Variants in GRM8 observed in about 807,000 individuals in gnomAD.
The protein encoded by GRM8 is metabotropic glutamate receptor 8.
In GRM8, 47 loss-of-function variants were observed where a neutral mutation model predicts 87.2. The observed-to-expected ratio is 0.54, with a 90% CI of 0.43 to 0.69. The LOEUF is 0.69. Among genes scored for constraint, GRM8 ranks in the 30% least tolerant of loss-of-function variants. GRM8 has a pLI of 0.00. For missense variants in GRM8, 1,019 were observed against 1,139.2 expected (o/e 0.89, Z 1.52); for synonymous variants, 396 against 404.5 (o/e 0.98, Z 0.25).
intron 6 of GRM8, among the ~76,000 whole-genome samples, chr7:126,809,742 G>C (rs1470560148): frequency 6.6e-6 from 1 of 152,146 alleles, no homozygotes; most frequent in African/African-American, 2.4e-5. Flanking sequence ...GCCCTTTTCA[G>C]AGTGTCTGTA....
chr7:126,584,386 G>A (rs985759817), intron 8 of GRM8, among the ~76,000 whole-genome samples: 2 of 151,946 alleles, frequency 1.3e-5, no homozygotes, highest in African/African-American at 4.8e-5. Context: ...CACCATGCCC[G>A]ACTAATTTTG....
intron 6 of GRM8, among the ~76,000 whole-genome samples, chr7:126,863,438 G>A (rs889116037): frequency 2.6e-5 from 4 of 152,054 alleles, no homozygotes; most frequent in Non-Finnish European, 4.4e-5. Flanking sequence ...GCTCACAAAC[G>A]CACAAGGTAC....
chr7:126,862,392 T>G (rs1429452844), intron 6 of GRM8, among the ~76,000 whole-genome samples: 2 of 152,018 alleles, frequency 1.3e-5, no homozygotes, highest in Non-Finnish European at 2.9e-5. Flanking sequence ...TTTTCTTTGC[T>G]TCTGTATTAC....
At chr7:126,453,972 T>C (rs1191243678) in intron 9 of GRM8, among the ~76,000 whole-genome samples, 1 of 151,714 alleles carries the variant, frequency 6.6e-6, no homozygotes, top group Non-Finnish European at 1.5e-5. Context: ...GCTTCCATGG[T>C]AACTTTTGGC....
At chr7:127,198,585 T>C (rs1587255228) in intron 2 of GRM8, among the ~76,000 whole-genome samples, 1 of 152,044 alleles carries the variant, frequency 6.6e-6, no homozygotes, top group Admixed American at 6.6e-5. Flanking sequence ...TTGTGGTGGG[T>C]TTTTGTTGTT....
chr7:127,247,129 T>C (rs192145747), intron 1 of GRM8, among the ~76,000 whole-genome samples: 1 of 152,322 alleles, frequency 6.6e-6, no homozygotes, highest in East Asian at 1.9e-4. Context: ...AGGGACAATC[T>C]GGGGGCATTT....
At chr7:126,738,239 A>G (rs1374679741) in intron 7 of GRM8, among the ~76,000 whole-genome samples, 1 of 152,024 alleles carries the variant, frequency 6.6e-6, no homozygotes, top group Non-Finnish European at 1.5e-5. Flanking sequence ...AGCTGCAGGG[A>G]GCTATTTCAT....
At chr7:126,563,532 C>T (rs1414747969) in intron 8 of GRM8, among the ~76,000 whole-genome samples, 3 of 152,096 alleles carry the variant, frequency 2.0e-5, no homozygotes, top group Admixed American at 1.3e-4. Flanking sequence ...CCAGAGGCAG[C>T]CCTACTTGAG....
chr7:127,066,803 C>A (rs1264980683), intron 3 of GRM8, among the ~76,000 whole-genome samples: 4 of 152,174 alleles, frequency 2.6e-5, no homozygotes, highest in Admixed American at 2.6e-4. Flanking sequence ...TCCCCCTACC[C>A]TTCCCAGCCT....
Position 126,533,627 on chromosome 7 carries a change from C to A in GRM8, c.1755G>T (p.Val585=). 6.2e-7 allele frequency: 1 copy of A among 1,614,036 alleles called. No individual in the cohort carries two copies. ...CCAATATTGCAACAAACACAGGCACCACAGCCCAGGGAGAATGCCACTCCA... is the reference window on the plus strand; with the variant it reads ...CCAATATTGCAACAAACACAGGCACAACAGCCCAGGGAGAATGCCACTCCA... The part of the protein sequence containing the change: ...IKLEWHSPWA[V]VPVFVAILGI... Residue 585 remains valine (V), a synonymous_variant, in exon 9 of 11, where the codon GTG becomes GTT. Coordinates refer to ENST00000339582, the MANE Select transcript of GRM8 (RefSeq NM_000845.3).
intron 6 of GRM8, among the ~76,000 whole-genome samples, chr7:126,782,663 G>A (rs1430538280): frequency 6.6e-6 from 1 of 152,072 alleles, no homozygotes; most frequent in Non-Finnish European, 1.5e-5. Flanking sequence ...AAACACAAAC[G>A]ATTTTATAAC....
At chr7:126,908,243 G>GTGAA (rs1802913761) in intron 3 of GRM8, among the ~76,000 whole-genome samples, 1 of 152,148 alleles carries the variant, frequency 6.6e-6, no homozygotes, top group Non-Finnish European at 1.5e-5. Context: ...AATAGAAAAG[G>GTGAA]TGAATTATAG....
At chr7:126,918,805 C>T (rs1804196511) in intron 3 of GRM8, among the ~76,000 whole-genome samples, 1 of 152,136 alleles carries the variant, frequency 6.6e-6, no homozygotes, top group African/African-American at 2.4e-5. Context: ...TAACATTCTG[C>T]ATTAAATGGT....
intron 7 of GRM8, among the ~76,000 whole-genome samples, chr7:126,695,683 T>A (rs17150109): frequency 0.044 from 6,640 of 152,274 alleles, 425 homozygotes; most frequent in African/African-American, 0.14. Flanking sequence ...AGGTTTTTAT[T>A]CGGCTTGCTA....
At chr7:127,055,482 A>G (rs1019755149) in intron 3 of GRM8, among the ~76,000 whole-genome samples, 1 of 152,210 alleles carries the variant, frequency 6.6e-6, no homozygotes, top group Non-Finnish European at 1.5e-5. Flanking sequence ...TAGGGAATTA[A>G]GTCACTAGTG....
At chr7:127,140,807 T>C (rs1367535330) in intron 2 of GRM8, among the ~76,000 whole-genome samples, 3 of 152,180 alleles carry the variant, frequency 2.0e-5, no homozygotes, top group Non-Finnish European at 4.4e-5. Flanking sequence ...CCCATCCTTG[T>C]GACTCACTTT....
In GRM8 at chr7:127,031,137, A is replaced by G. The variant is rs17869417; in HGVS notation, c.727+75359T>C. On this transcript the variant is annotated intron_variant, in intron 3 of 10. Coordinates refer to ENST00000339582, the MANE Select transcript of GRM8 (RefSeq NM_000845.3). ...CAACTGTGTGGTCAACACAAACCCCAGGTTTTCTTTATGTAGATTACTGTC... is the reference window on the plus strand; with the variant it reads ...CAACTGTGTGGTCAACACAAACCCCGGGTTTTCTTTATGTAGATTACTGTC... 4.7e-3 allele frequency among the ~76,000 whole-genome samples: 720 copies of G among 152,178 alleles called. 11 individuals are homozygous for G. The highest frequency in any genetic ancestry group is 0.016 in the African/African-American group (668 of 41,532).
At position 127,073,899 on chromosome 7, in the gene GRM8, T is replaced by C. The variant is rs527906657; in HGVS notation, c.727+32597A>G. Among the ~76,000 whole-genome samples, 11 of 152,370 alleles carry C rather than the reference T, an allele frequency of 7.2e-5. No homozygotes were observed. The East Asian group carries it at 1.9e-3, about 27-fold the overall frequency. On this transcript the variant is annotated intron_variant, in intron 3 of 10. Transcript: ENST00000339582. ...TTGGCTCTTAAATAGTTTGAAGTTTTTGTAAGGAGTTTTTGTCCTTGAAAA... is the reference window on the plus strand; with the variant it reads ...TTGGCTCTTAAATAGTTTGAAGTTTCTGTAAGGAGTTTTTGTCCTTGAAAA...
intron 2 of GRM8, among the ~76,000 whole-genome samples, chr7:127,133,560 G>T (rs1212435676): frequency 6.6e-6 from 1 of 151,592 alleles, no homozygotes; most frequent in Non-Finnish European, 1.5e-5. Flanking sequence ...CAAAAAATTA[G>T]TCAGGCATGG....
Sources: allele counts gnomAD v4.1 joint callset (sites outside exome capture counted in the v4.1 genomes callset), GRCh38; gene constraint gnomAD v4.1.1; transcripts MANE v1.5; gene names NCBI Gene and HGNC (gene_info 2026-07-23, HGNC 2026-07-21).